The following RNPEP variants were observed in gnomAD, a reference collection of about 807,000 sequenced individuals.
RNPEP encodes the protein arginyl aminopeptidase.
A neutral mutation model predicts 70.1 loss-of-function variants in RNPEP; 57 were observed. The ratio of observed to expected loss-of-function variants is 0.81; its 90% CI spans 0.66 to 1.01. The LOEUF is 1.01. RNPEP is among the 50% of genes least tolerant of loss of function. The pLI is 0.00. For synonymous variants in RNPEP, 335 were observed against 357.4 expected (o/e 0.94, Z 0.71); for missense variants, 787 against 852.4 (o/e 0.92, Z 0.96).
chr1:201,998,945 A>T (rs1232234264), intron 5 of RNPEP, among the ~76,000 whole-genome samples: 1 of 152,234 alleles, frequency 6.6e-6, no homozygotes, highest in Admixed American at 6.5e-5. Context: ...GTTTTCACAG[A>T]AGATCAAGTC....
chr1:202,004,923 G>A (rs1683991477), intron 10 of RNPEP, among the ~76,000 whole-genome samples: 1 of 152,214 alleles, frequency 6.6e-6, no homozygotes, highest in Admixed American at 6.5e-5. Context: ...CTATGTGAAA[G>A]TTGCCCTGTT....
rs780885046 is a variant in RNPEP, at chr1:201,982,773, T to G, written c.107T>G (p.Leu36Arg). ...ASASNFRAFE[L>R]LHLHLDLRAE... ...GCCTCCAACTTCCGGGCCTTTGAGC[T>G]GCTGCACTTGCACCTGGACCTGCGG... The change falls in exon 1 of 11, where the codon CTG (leucine) becomes CGG (arginine). Residue 36 changes from leucine to arginine, a missense_variant. Transcript: ENST00000295640. The G allele has an allele frequency of 6.8e-5, 93 of 1,358,030 alleles. No individual in the cohort carries two copies. The highest frequency in any genetic ancestry group is 8.3e-5 in the Non-Finnish European group (88 of 1,054,166). The allele number at this position is 1,358,030 out of a possible 1,614,324, so 84.1% of individuals were successfully genotyped here.
intron 8 of RNPEP, 191 bp from the exon 9 acceptor site, chr1:202,003,046 C>T (rs1683895142): frequency 1.7e-6 from 1 of 574,702 alleles, no homozygotes; most frequent in Non-Finnish European, 3.1e-6. Flanking sequence ...GTCGAAACGG[C>T]ACAGTCTCTA....
chr1:202,001,485 C>G lies in RNPEP; in HGVS notation c.1314C>G (p.Leu438=). ...ATCAGGATCAGTTTGACAGTTTTCT[C>G]AAGGTATAGTCACATGAGGGGAGAA... ...VGDQDQFDSF[L]KAYVHEFKFR... Residue 438 remains leucine, a synonymous_variant, in exon 7 of 11, where the codon CTC becomes CTG. Transcript: ENST00000295640. The G allele has an allele frequency of 1.2e-6, 2 of 1,604,682 alleles. No homozygotes were observed. The highest frequency in any genetic ancestry group is 2.2e-5 in the South Asian group (2 of 90,898).
At chr1:201,993,361 C>T (rs1478346844) in intron 3 of RNPEP, among the ~76,000 whole-genome samples, 4 of 152,166 alleles carry the variant, frequency 2.6e-5, no homozygotes, top group Admixed American at 1.3e-4. Flanking sequence ...CTTTGGGAGG[C>T]CAAGGTGGGA....
At chr1:202,002,408 T>C (rs994106252) in intron 8 of RNPEP, among the ~76,000 whole-genome samples, 7 of 152,152 alleles carry the variant, frequency 4.6e-5, no homozygotes, top group African/African-American at 1.7e-4. Flanking sequence ...GTGATCCACC[T>C]GCCTCGGCCT....
chr1:202,005,347 G>A (rs967230641), intron 10 of RNPEP, among the ~76,000 whole-genome samples: 6 of 152,158 alleles, frequency 3.9e-5, no homozygotes, highest in Non-Finnish European at 5.9e-5. Context: ...GGATTGGGAC[G>A]CGTATTGAGA....
At chr1:201,996,013 G>GTGA in intron 3 of RNPEP, 134 bp from the exon 4 acceptor site, 1 of 660,164 alleles carries the variant, frequency 1.5e-6, no homozygotes, top group South Asian at 1.9e-5. Flanking sequence ...ATCCGATCTT[G>GTGA]CACTCCGTCA....
intron 4 of RNPEP, among the ~76,000 whole-genome samples, chr1:201,996,621 G>A (rs975502944): frequency 2.0e-5 from 3 of 152,102 alleles, no homozygotes; most frequent in Admixed American, 6.5e-5. Flanking sequence ...AGCCTCCAGA[G>A]TAGCTGGGAT....
At chr1:201,983,874 T>A in intron 1 of RNPEP, 3 of 997,734 alleles carry the variant, frequency 3.0e-6, no homozygotes, top group Non-Finnish European at 3.6e-6. Context: ...TGGCTGCCAG[T>A]TATCTCTCAG....
chr1:201,988,919 C>T lies in RNPEP; in HGVS notation c.463C>T (p.Pro155Ser), dbSNP rs1230071492. 1 of 1,611,848 alleles carries T rather than the reference C, an allele frequency of 6.2e-7. No individual in the cohort carries two copies. The highest frequency in any genetic ancestry group is 8.5e-7 in the Non-Finnish European group (1 of 1,178,962). Residue 155 changes from proline to serine, a missense_variant, in exon 2 of 11, where the codon CCC (proline) becomes TCC (serine). Transcript: ENST00000295640. The part of the protein sequence containing the change: ...GEGPGVCWLA[P>S]EQTAGKKKPF... ...TTTCGCTTAGGTTTGCTGGTTGGCT[C>T]CCGAGCAGACAGCAGGAAAGAAGAA...
intron 1 of RNPEP, among the ~76,000 whole-genome samples, chr1:201,986,911 G>A (rs1009431860): frequency 3.3e-5 from 5 of 152,110 alleles, no homozygotes; most frequent in East Asian, 1.9e-4. Flanking sequence ...CGTTAACCTC[G>A]GTCCCCTGGC....
At chr1:202,003,743 G>C (rs1271858071) in intron 9 of RNPEP, among the ~76,000 whole-genome samples, 1 of 152,212 alleles carries the variant, frequency 6.6e-6, no homozygotes, top group Non-Finnish European at 1.5e-5. Flanking sequence ...CATTGCTCAA[G>C]TCCGAAGCTC....
At chr1:201,999,372 C>G (rs1683696672) in intron 5 of RNPEP, among the ~76,000 whole-genome samples, 1 of 151,912 alleles carries the variant, frequency 6.6e-6, no homozygotes, top group Non-Finnish European at 1.5e-5. Flanking sequence ...AGCCCCCTCT[C>G]TACTAAAAAT....
rs1571617140 is a variant in RNPEP, at chr1:201,983,399, C to G, written c.447+286C>G. ...TCCTCCCTGGCCCTGGAGGCTTGTCCAGATTGCGCCGCATTCCCGCTCATC... is the reference window on the plus strand; with the variant it reads ...TCCTCCCTGGCCCTGGAGGCTTGTCGAGATTGCGCCGCATTCCCGCTCATC... On this transcript the variant is annotated intron_variant, in intron 1 of 10. Transcript: ENST00000295640. The G allele has an allele frequency of 2.7e-6, 4 of 1,496,634 alleles. No homozygotes were observed. In the East Asian group the frequency reaches 1.1e-4, roughly 41 times the overall value. 92.7% of individuals were successfully genotyped at this position (1,496,634 alleles called of 1,614,324 possible). A position where few individuals can be genotyped will look rare whatever the true frequency, so the allele number is the denominator to read the frequency against.
chr1:201,999,156 G>T (rs1206763894), intron 5 of RNPEP, among the ~76,000 whole-genome samples: 1 of 151,926 alleles, frequency 6.6e-6, no homozygotes, highest in Admixed American at 6.6e-5. Flanking sequence ...GGTGGAGGAT[G>T]CAGTGAGCCG....
In RNPEP at chr1:202,004,371, G is replaced by A. The variant is rs775748803; in HGVS notation, c.1669G>A (p.Gly557Arg). Reference protein sequence around the residue: ...PLPPGNVKKLGDTYPSISNAR... With the variant: ...PLPPGNVKKLRDTYPSISNAR... ...TTCTCCAGGGAATGTGAAAAAACTT[G>A]GAGACACATACCCAAGTATCTCAAA... The change falls in exon 10 of 11, where the codon GGA becomes AGA. Residue 557 changes from glycine to arginine, a missense_variant. By Grantham distance (125) the Gly-to-Arg change is moderately radical (BLOSUM62 -2). Coordinates refer to ENST00000295640, the MANE Select transcript of RNPEP (RefSeq NM_020216.4). 6.2e-7 allele frequency: 1 copy of A among 1,614,084 alleles called. No individual in the cohort carries two copies. Among genetic ancestry groups the A allele is most frequent in the Admixed American group, 1.7e-5 (1 of 60,028 alleles).
At position 202,000,088 on chromosome 1, in the gene RNPEP, A is replaced by G; in HGVS notation, c.1204+73A>G. 12 of 1,110,318 alleles carry G rather than the reference A, an allele frequency of 1.1e-5. No individual in the cohort carries two copies. In the South Asian group the frequency reaches 1.6e-4, roughly 15 times the overall value. 68.8% of individuals were successfully genotyped at this position (1,110,318 alleles called of 1,614,324 possible). ...GGAGCCCCAAGTTAATGCGAACTTCATGTTGATCAGTGCACGCTTAGAATA... is the reference window on the plus strand; with the variant it reads ...GGAGCCCCAAGTTAATGCGAACTTCGTGTTGATCAGTGCACGCTTAGAATA... On this transcript the variant is annotated intron_variant, in intron 6 of 10. Transcript: ENST00000295640.
In RNPEP at chr1:202,001,523, G is replaced by A. The variant is rs754676717; in HGVS notation, c.1317+35G>A. The A allele has an allele frequency of 6.5e-6, 10 of 1,543,504 alleles. 1 individual carries two copies. The South Asian group carries it at 1.1e-4, about 17-fold the overall frequency. ...CATGAGGGGAGAAGGAAGAGGAGCG[G>A]ATAAAGCCACTGGGCCTGATCAAGG... is the stretch of plus-strand genomic sequence containing the variant. On this transcript the variant is annotated intron_variant, in intron 7 of 10. Transcript: ENST00000295640.
Sources: allele counts gnomAD v4.1 joint callset (sites outside exome capture counted in the v4.1 genomes callset), GRCh38; gene constraint gnomAD v4.1.1; transcripts MANE v1.5; gene names NCBI Gene and HGNC (gene_info 2026-07-23, HGNC 2026-07-21).